Variants in PLEKHG1 observed in about 807,000 individuals in gnomAD.
PLEKHG1 encodes pleckstrin homology domain-containing family G member 1.
In PLEKHG1, 44 loss-of-function variants were observed where a neutral mutation model predicts 100.8. The ratio of observed to expected loss-of-function variants is 0.44; its 90% confidence interval spans 0.34 to 0.56. PLEKHG1 has a LOEUF of 0.56. PLEKHG1 is among the 20% of genes least tolerant of loss of function. The pLI is 0.01. For synonymous variants in PLEKHG1, 640 were observed against 662.5 expected (o/e 0.97, Z 0.52); for missense variants, 1,545 against 1,720.9 (o/e 0.90, Z 1.81).
chr6:150,628,184 T>A (rs926475288), intron 1 of PLEKHG1, among the ~76,000 whole-genome samples: 1 of 152,128 alleles, frequency 6.6e-6, no homozygotes, highest in Non-Finnish European at 1.5e-5. Flanking sequence ...GGAAGGCTGT[T>A]GCTGCAGTAA....
At chr6:150,729,861 C>G (rs1482874394) in intron 1 of PLEKHG1, among the ~76,000 whole-genome samples, 1 of 151,826 alleles carries the variant, frequency 6.6e-6, no homozygotes, top group African/African-American at 2.4e-5. Context: ...TAAGATCTAT[C>G]CATGAAGGGG....
At position 150,672,837 on chromosome 6, in the gene PLEKHG1, G is replaced by T. The variant is rs147675088; in HGVS notation, c.-99+22051G>T. Among the ~76,000 whole-genome samples, 3 of 152,280 alleles carry T rather than the reference G, an allele frequency of 2.0e-5. No homozygotes were observed. In the East Asian group the frequency reaches 5.8e-4, roughly 29 times the overall value. ...CTCATTTCTCTCAGTATTTCTGCAG[G>T]TAGACTGAAAGCATGAGTGTCTACT... On this transcript the variant is annotated intron_variant, in intron 3 of 3. Coordinates refer to the PLEKHG1 transcript ENST00000367326.
intron 6 of PLEKHG1, among the ~76,000 whole-genome samples, chr6:150,804,242 A>G (rs1419713150): frequency 4.1e-5 from 5 of 122,688 alleles, no homozygotes; most frequent in Non-Finnish European, 7.9e-5. Context: ...GCTGGAGTGC[A>G]GTGGCCTGAT....
intron 1 of PLEKHG1, among the ~76,000 whole-genome samples, chr6:150,631,748 G>C (rs924081073): frequency 7.9e-5 from 12 of 152,194 alleles, no homozygotes; most frequent in Non-Finnish European, 1.6e-4. Context: ...AGCATCCGTA[G>C]AGCACGGTTG....
At chr6:150,704,778 C>T (rs1780937018) in intron 3 of PLEKHG1, among the ~76,000 whole-genome samples, 1 of 152,238 alleles carries the variant, frequency 6.6e-6, no homozygotes, top group South Asian at 2.1e-4. Context: ...TTTATTTTCT[C>T]ATAGTCCTGG....
At chr6:150,644,664 C>A (rs1228849362) in intron 2 of PLEKHG1, among the ~76,000 whole-genome samples, 1 of 151,982 alleles carries the variant, frequency 6.6e-6, no homozygotes, top group Admixed American at 6.6e-5. Context: ...ATTTTTACAA[C>A]TTTTCTTGGT....
intron 3 of PLEKHG1, among the ~76,000 whole-genome samples, chr6:150,710,081 A>G (rs767148442): frequency 3.3e-5 from 5 of 152,356 alleles, no homozygotes; most frequent in South Asian, 4.1e-4. Context: ...CAAAACTCTT[A>G]GAGCAGCATA....
intron 1 of PLEKHG1, among the ~76,000 whole-genome samples, chr6:150,723,002 A>G (rs551961480): frequency 6.6e-6 from 1 of 152,174 alleles, no homozygotes; most frequent in Non-Finnish European, 1.5e-5. Context: ...TCGGTGATAC[A>G]CAGTTTTTCA....
rs573009240 is a variant in PLEKHG1, at chr6:150,724,480, A to G, written c.-99+3280A>G. On this transcript the variant is annotated intron_variant, in intron 1 of 15. Coordinates refer to ENST00000358517, the Ensembl canonical transcript of PLEKHG1. ...ACACTAAGTCACCACACACAAAAAA[A>G]GCATACAACAAAAGTAAAAACAGCT... Among the ~76,000 whole-genome samples the G allele has an allele frequency of 2.0e-5, 3 of 152,352 alleles. No homozygotes were observed. In the East Asian group the frequency reaches 5.8e-4, roughly 29 times the overall value.
intron 10 of PLEKHG1, among the ~76,000 whole-genome samples, chr6:150,817,106 T>C (rs906910110): frequency 2.0e-5 from 3 of 152,210 alleles, no homozygotes; most frequent in Admixed American, 1.3e-4. Flanking sequence ...TACTAGTCTG[T>C]GGCTCGGGGG....
intron 3 of PLEKHG1, among the ~76,000 whole-genome samples, chr6:150,694,083 A>T (rs1008878952): frequency 6.6e-6 from 1 of 152,190 alleles, no homozygotes; most frequent in African/African-American, 2.4e-5. Flanking sequence ...GGCAGCATGG[A>T]TCTAGTTTAT....
intron 3 of PLEKHG1, among the ~76,000 whole-genome samples, chr6:150,682,948 C>T (rs767778669): frequency 3.3e-5 from 5 of 152,172 alleles, no homozygotes; most frequent in Non-Finnish European, 5.9e-5. Context: ...CCACCCTTAC[C>T]CCAAGACTCC....
chr6:150,681,943 C>T (rs920908367), intron 3 of PLEKHG1, among the ~76,000 whole-genome samples: 1 of 152,332 alleles, frequency 6.6e-6, no homozygotes, highest in African/African-American at 2.4e-5. Flanking sequence ...GCAGTGTGCA[C>T]AGAGCATGGT....
intron 1 of PLEKHG1, among the ~76,000 whole-genome samples, chr6:150,612,620 A>AC (rs1288383005): frequency 2.0e-5 from 3 of 152,166 alleles, no homozygotes; most frequent in Non-Finnish European, 2.9e-5. Context: ...GGTTTGAGCC[A>AC]CCACGCCCAG....
intron 2 of PLEKHG1, among the ~76,000 whole-genome samples, chr6:150,644,470 GA>G (rs1778409601): frequency 6.6e-6 from 1 of 151,296 alleles, no homozygotes; most frequent in Admixed American, 6.6e-5. Flanking sequence ...GAGTATCTGG[GA>G]TTACAGGCTA....
chr6:150,692,915 G>A (rs746852326), intron 3 of PLEKHG1, among the ~76,000 whole-genome samples: 24 of 152,178 alleles, frequency 1.6e-4, no homozygotes, highest in East Asian at 9.6e-4. Context: ...ATAAGCAAAG[G>A]CACAGAGGAA....
At position 150,834,821 on chromosome 6, in the gene PLEKHG1, T is replaced by C. The variant is rs544271304; in HGVS notation, c.3094+2616T>C. Reference sequence around the variant, plus strand: ...CCCGAGTCATCTTCTGAGAGTGCTGTCTTCCCTGCCATCTGGCAGAGGCAC... The same window carrying C: ...CCCGAGTCATCTTCTGAGAGTGCTGCCTTCCCTGCCATCTGGCAGAGGCAC... On this transcript the variant is annotated intron_variant, in intron 15 of 15. Transcript: ENST00000358517. Among the ~76,000 whole-genome samples, 3 of 152,310 alleles carry C rather than the reference T, an allele frequency of 2.0e-5. No homozygotes were observed. The East Asian group carries it at 5.8e-4, about 29-fold the overall frequency.
chr6:150,783,981 C>T (rs1785467066), intron 3 of PLEKHG1, among the ~76,000 whole-genome samples: 1 of 152,192 alleles, frequency 6.6e-6, no homozygotes, highest in South Asian at 2.1e-4. Flanking sequence ...TCTGCTTCAA[C>T]TTTCCATCTG....
chr6:150,773,898 A>G (rs562005236), intron 3 of PLEKHG1, among the ~76,000 whole-genome samples: 5 of 152,300 alleles, frequency 3.3e-5, no homozygotes, highest in African/African-American at 1.2e-4. Flanking sequence ...TCATACATGT[A>G]ACTTTTATGT....
Sources: allele counts gnomAD v4.1 joint callset (sites outside exome capture counted in the v4.1 genomes callset), GRCh38; gene constraint gnomAD v4.1.1; transcripts MANE v1.5; gene names NCBI Gene and HGNC (gene_info 2026-07-23, HGNC 2026-07-21).